The following ALG9 variants were observed in gnomAD, a reference collection of about 807,000 sequenced individuals.
ALG9 encodes the protein ALG9 alpha-1,2-mannosyltransferase.
ALG9 carries 55 observed loss-of-function variants against 81.8 expected under a neutral mutation model. The observed-to-expected ratio is 0.67, with a 90% confidence interval of 0.54 to 0.84. The LOEUF is 0.84. Ranked by LOEUF, ALG9 falls within the 40% of genes least tolerant of loss-of-function variation. ALG9 has a pLI of 0.00. For synonymous variants in ALG9, 278 were observed against 274.3 expected (o/e 1.01, Z -0.13); for missense variants, 629 against 745.0 (o/e 0.84, Z 1.81).
chr11:111,860,587 G>GGCTA lies in ALG9; in HGVS notation c.521_524dup (p.Phe176SerfsTer19). On this transcript the variant is annotated frameshift_variant, in exon 5 of 15. Transcript: ENST00000616540. LOFTEE classifies it high-confidence loss of function. ...ACATGCCAGTGCTGAGAACCAAGAA[G>GGCTA]GCTAGCATCATTCGACTCACGTGCA... 1 of 1,614,082 alleles carries GGCTA rather than the reference G, an allele frequency of 6.2e-7. No homozygotes were observed. Among genetic ancestry groups the GGCTA allele is most frequent in the Non-Finnish European group, 8.5e-7 (1 of 1,179,994 alleles).
intron 10 of ALG9, 45 bp downstream of exon 10, chr11:111,840,610 T>C: frequency 6.2e-7 from 1 of 1,610,736 alleles, no homozygotes; most frequent in East Asian, 2.2e-5. Flanking sequence ...AATTATTTAA[T>C]AAGTAAAAAA....
intron 8 of ALG9, chr11:111,845,106 T>C (rs1555127994): frequency 4.3e-6 from 1 of 232,608 alleles, no homozygotes; most frequent in East Asian, 1.0e-4. Context: ...TTAACTATTC[T>C]CTCAAGATCG....
At chr11:111,856,220 T>C (rs977857231) in intron 6 of ALG9, among the ~76,000 whole-genome samples, 34 of 136,910 alleles carry the variant, frequency 2.5e-4, no homozygotes, top group African/African-American at 9.7e-4. Flanking sequence ...GAGGTTGCAG[T>C]GAGCCAAGAT....
At chr11:111,777,867 C>T (rs1555055738), downstream of ALG9, among the ~76,000 whole-genome samples, 1 of 152,182 alleles carries the variant, frequency 6.6e-6, no homozygotes, top group African/African-American at 2.4e-5. Context: ...CTGAATGGTA[C>T]ATGGTATCTT....
At chr11:111,860,421 C>T in intron 5 of ALG9, 126 bp downstream of exon 5, 2 of 814,026 alleles carry the variant, frequency 2.5e-6, no homozygotes, top group Non-Finnish European at 4.3e-6. Flanking sequence ...ACAAATATAA[C>T]CTACATTTGG....
intron 1 of ALG9, chr11:111,870,970 A>G: frequency 2.0e-6 from 2 of 1,018,536 alleles, no homozygotes; most frequent in Non-Finnish European, 2.3e-6. Context: ...GGAAGAGGTG[A>G]TGGCGGGTTG....
rs77388208 is a variant in ALG9, at chr11:111,808,845, C to T, written c.1733+798G>A. On this transcript the variant is annotated intron_variant, in intron 14 of 14. Transcript: ENST00000616540. Reference sequence around the variant, plus strand: ...CCTCCAACTCCTCTTCCCCATTACTCCCTTATCTGAATGCCTGATCCCCTC... The same window carrying T: ...CCTCCAACTCCTCTTCCCCATTACTTCCTTATCTGAATGCCTGATCCCCTC... 4.9e-3 allele frequency among the ~76,000 whole-genome samples: 747 copies of T among 152,330 alleles called. 8 individuals carry two copies. The highest frequency in any genetic ancestry group is 8.9e-3 in the South Asian group (43 of 4,826).
At chr11:111,829,903 GAGGGCCCCGGCTC>G (rs1311579556) in intron 13 of ALG9, among the ~76,000 whole-genome samples, 4 of 152,184 alleles carry the variant, frequency 2.6e-5, no homozygotes, top group Non-Finnish European at 2.9e-5. Context: ...CTCTGGTCAT[GAGGGCCCCGGCTC>G]AGGACACATG....
intron 13 of ALG9, among the ~76,000 whole-genome samples, chr11:111,831,510 C>T (rs551524222): frequency 1.1e-4 from 17 of 152,224 alleles, no homozygotes; most frequent in Admixed American, 9.8e-4. Flanking sequence ...AAAAACAAAA[C>T]AAAACAAACA....
chr11:111,864,279 C>A, intron 4 of ALG9: 1 of 1,135,106 alleles, frequency 8.8e-7, no homozygotes, highest in Non-Finnish European at 1.3e-6. Flanking sequence ...AGCGTTGCCG[C>A]TATGAAGAAA....
In ALG9 at chr11:111,868,841, C is replaced by T. The variant is rs1390196658; in HGVS notation, c.271-105G>A. The T allele has an allele frequency of 3.2e-6, 4 of 1,258,400 alleles. No individual in the cohort carries two copies. In the African/African-American group the frequency reaches 6.0e-5, roughly 19 times the overall value. The allele number at this position is 1,258,400 out of a possible 1,614,324, so 78.0% of individuals were successfully genotyped here. A position where few individuals can be genotyped will look rare whatever the true frequency, so the allele number is the denominator to read the frequency against. On this transcript the variant is annotated intron_variant, in intron 2 of 14. Transcript: ENST00000616540. ...CAGAAATATTAAAAACAAAGGCAAG[C>T]CAGGCACGATGCCTCACACCTATAA...
In ALG9 at chr11:111,823,503, G is replaced by A. The variant is rs1952759815; in HGVS notation, c.1602+12662C>T. On this transcript the variant is annotated intron_variant, in intron 13 of 14. Coordinates refer to ENST00000616540, the MANE Select transcript of ALG9 (RefSeq NM_024740.2). ...AACACAGTTACATTTGTGACTGAAC[G>A]TGTCACAAATGGCAAAGGCAAAATA... Among the ~76,000 whole-genome samples the A allele has an allele frequency of 3.3e-5, 5 of 152,118 alleles. No homozygotes were observed. The South Asian group carries it at 8.3e-4, about 25-fold the overall frequency.
chr11:111,787,814 T>C (rs1448028280), intron 14 of ALG9, among the ~76,000 whole-genome samples: 1 of 152,176 alleles, frequency 6.6e-6, no homozygotes, highest in Non-Finnish European at 1.5e-5. Context: ...ATCCATTTGA[T>C]AATCCTGTGA....
chr11:111,796,558 A>C (rs1436191493), intron 14 of ALG9, among the ~76,000 whole-genome samples: 1 of 152,214 alleles, frequency 6.6e-6, no homozygotes, highest in Non-Finnish European at 1.5e-5. Context: ...AGCAGATCTT[A>C]ATGATTAAGC....
chr11:111,844,246 C>T (rs1385528157), intron 9 of ALG9, among the ~76,000 whole-genome samples: 1 of 152,166 alleles, frequency 6.6e-6, no homozygotes, highest in African/African-American at 2.4e-5. Context: ...TCAGGTGATC[C>T]ACCCGCCTCG....
At position 111,833,996 on chromosome 11, in the gene ALG9, G is replaced by A. The variant is rs373473942; in HGVS notation, c.1602+2169C>T. 2.0e-3 allele frequency among the ~76,000 whole-genome samples: 304 copies of A among 152,318 alleles called. 1 individual carries two copies. Among genetic ancestry groups the A allele is most frequent in the South Asian group, 0.014 (67 of 4,826 alleles). On this transcript the variant is annotated intron_variant, in intron 13 of 14. Coordinates refer to ENST00000616540, the MANE Select transcript of ALG9 (RefSeq NM_024740.2). The stretch of plus-strand genomic sequence containing the variant: ...TGAATATTCATTATCCACTGAGAAA[G>A]CATGTAAAAGTGAACTACTGGGTAC...
chr11:111,870,512 G>A (rs1259511400), intron 1 of ALG9, 142 bp from the exon 2 acceptor site: 8 of 1,138,054 alleles, frequency 7.0e-6, no homozygotes, highest in Non-Finnish European at 8.3e-6. Flanking sequence ...AAGGTGAATA[G>A]CTAGTTGTTT....
chr11:111,792,194 A>G (rs76332248), intron 14 of ALG9, among the ~76,000 whole-genome samples: 7,928 of 152,298 alleles, frequency 0.052, 692 homozygotes, highest in African/African-American at 0.18. Flanking sequence ...TTCATTCTAC[A>G]ATTCACAATT....
In ALG9 at chr11:111,870,381, GCAA is replaced by G; in HGVS notation, c.132-14_132-12del. On this transcript the variant is annotated splice_polypyrimidine_tract_variant and intron_variant, in intron 1 of 14. Transcript: ENST00000616540. Reference sequence around the variant, plus strand: ...TTGTTCCCAGATAACCTGTTCAAAAGCAAAAAAAAAAAAAAAAAAAAAAGCATG... The same window carrying G: ...TTGTTCCCAGATAACCTGTTCAAAAGAAAAAAAAAAAAAAAAAAAAGCATG... The G allele has an allele frequency of 1.5e-4, 86 of 575,558 alleles. No individual in the cohort carries two copies. The highest frequency in any genetic ancestry group is 8.1e-4 in the South Asian group (15 of 18,406). 35.7% of individuals were successfully genotyped at this position (575,558 alleles called of 1,614,324 possible).
Sources: allele counts gnomAD v4.1 joint callset (sites outside exome capture counted in the v4.1 genomes callset), GRCh38; gene constraint gnomAD v4.1.1; transcripts MANE v1.5; gene names NCBI Gene and HGNC (gene_info 2026-07-23, HGNC 2026-07-21).